NINJ2: variants seen among roughly 807,000 people sequenced by gnomAD.
NINJ2 encodes the protein ninjurin-2.
In NINJ2, 12 loss-of-function variants were observed where a neutral mutation model predicts 11.7. The ratio of observed to expected loss-of-function variants is 1.02; its 90% confidence interval spans 0.66 to 1.66. NINJ2 has a LOEUF of 1.66. Ranked by LOEUF, NINJ2 falls within the 40% of genes most tolerant of loss-of-function variation. The pLI is 0.00. For synonymous variants in NINJ2, 93 were observed against 76.8 expected (o/e 1.21, Z -1.10); for missense variants, 187 against 181.8 (o/e 1.03, Z -0.16).
intron 1 of NINJ2, among the ~76,000 whole-genome samples, chr12:636,955 T>A (rs1200730385): frequency 6.6e-6 from 1 of 152,176 alleles, no homozygotes; most frequent in Non-Finnish European, 1.5e-5. Context: ...AATGGCAGCA[T>A]GTTCACAACG....
intron 1 of NINJ2, among the ~76,000 whole-genome samples, chr12:636,018 A>G (rs1948347950): frequency 6.6e-6 from 1 of 151,524 alleles, no homozygotes; most frequent in Non-Finnish European, 1.5e-5. Flanking sequence ...CAGAGGTTGC[A>G]GTGAGCCAAG....
chr12:587,422 T>TA (rs1432158048), intron 1 of NINJ2, among the ~76,000 whole-genome samples: 3 of 152,258 alleles, frequency 2.0e-5, no homozygotes, highest in African/African-American at 7.2e-5. Context: ...ACAGAATGTC[T>TA]GCACATGCAC....
chr12:588,064 C>T lies in NINJ2; in HGVS notation c.34-21886G>A, dbSNP rs117285886. 2.9e-3 allele frequency among the ~76,000 whole-genome samples: 434 copies of T among 152,098 alleles called. 2 individuals carry two copies. The highest frequency in any genetic ancestry group is 5.1e-3 in the Non-Finnish European group (348 of 68,026). The stretch of plus-strand genomic sequence containing the variant: ...TCCCCAGACCAGTGTATCATCCTTC[C>T]ACTATGTAAACACAGATAGGTTTCC... On this transcript the variant is annotated intron_variant, in intron 1 of 3. Transcript: ENST00000305108.
intron 1 of NINJ2, among the ~76,000 whole-genome samples, chr12:571,261 G>T (rs1299542910): frequency 6.6e-6 from 1 of 152,276 alleles, no homozygotes; most frequent in Non-Finnish European, 1.5e-5. Context: ...CCAGTGCAGG[G>T]AAGGTGGGAG....
chr12:648,707 A>G (rs559278379), intron 1 of NINJ2, among the ~76,000 whole-genome samples: 2 of 152,210 alleles, frequency 1.3e-5, no homozygotes, highest in Admixed American at 1.3e-4. Flanking sequence ...TGGAAGGCCT[A>G]TTAGTCTAAT....
chr12:595,584 G>C (rs544648992), intron 1 of NINJ2, among the ~76,000 whole-genome samples: 1 of 152,228 alleles, frequency 6.6e-6, no homozygotes, highest in South Asian at 2.1e-4. Context: ...AGACCAGTCT[G>C]GCCAACTAAA....
chr12:657,986 G>C (rs1937895069), intron 1 of NINJ2, among the ~76,000 whole-genome samples: 1 of 135,754 alleles, frequency 7.4e-6, no homozygotes, highest in Admixed American at 7.9e-5. Flanking sequence ...AACCTACACA[G>C]GCTTTTTTTT....
At chr12:621,435 CAGGGTA>C (rs1948150691) in intron 1 of NINJ2, among the ~76,000 whole-genome samples, 1 of 141,390 alleles carries the variant, frequency 7.1e-6, no homozygotes, top group Admixed American at 7.3e-5. Context: ...CCCTAGGTGA[CAGGGTA>C]AGACCCTGTC....
intron 1 of NINJ2, among the ~76,000 whole-genome samples, chr12:611,267 T>C (rs868823106): frequency 4.7e-4 from 54 of 115,726 alleles, no homozygotes; most frequent in African/African-American, 1.1e-3. Flanking sequence ...CTTTCTTTCT[T>C]TCTTTCTCTC....
chr12:654,395 C>T (rs1592119720), intron 1 of NINJ2, among the ~76,000 whole-genome samples: 1 of 151,292 alleles, frequency 6.6e-6, no homozygotes, highest in Non-Finnish European at 1.5e-5. Context: ...GTGGCACATG[C>T]GTATAATCCC....
chr12:642,917 T>TCGCGCTCC (rs1948439999), intron 1 of NINJ2: 1 of 148,656 alleles, frequency 6.7e-6, no homozygotes, highest in Non-Finnish European at 1.5e-5. Context: ...CCCTGCGCCC[T>TCGCGCTCC]CGCGCTCCCG....
At chr12:566,525 G>C (rs532037780) in intron 1 of NINJ2, among the ~76,000 whole-genome samples, 163 of 152,252 alleles carry the variant, frequency 1.1e-3, no homozygotes, top group Middle Eastern at 3.4e-3. Flanking sequence ...CCAGGCCTCA[G>C]CTTTGGGCTG....
rs1948308443 is a variant in NINJ2 at position 633,555 on chromosome 12, C to A, written c.33+29773G>T. Among the ~76,000 whole-genome samples the A allele has an allele frequency of 6.6e-6, 1 of 152,182 alleles. No homozygotes were observed. Among genetic ancestry groups the A allele is most frequent in the Admixed American group, 6.5e-5 (1 of 15,282 alleles). Reference sequence around the variant, plus strand: ...CTGAGGCTGGGCCCAGTGGCCCATGCCCGTAATCCCAGCACTTTGGGAGGC... The same window carrying A: ...CTGAGGCTGGGCCCAGTGGCCCATGACCGTAATCCCAGCACTTTGGGAGGC... On this transcript the variant is annotated intron_variant, in intron 1 of 3. Coordinates refer to ENST00000305108, the MANE Select transcript of NINJ2 (RefSeq NM_016533.6). The surrounding 1 kb of genome is among the most constrained non-coding windows in gnomAD (Gnocchi z 4.3).
rs1565641692 is a variant in NINJ2, at chr12:629,899, AT to A, written c.33+33428del. The stretch of plus-strand genomic sequence containing the variant: ...CAAAACTCAAAAAAAAAAAAAAAAT[AT>A]ATATATATATATATATATATATGAA... On this transcript the variant is annotated intron_variant, in intron 1 of 3. Coordinates refer to ENST00000305108, the MANE Select transcript of NINJ2 (RefSeq NM_016533.6). Among the ~76,000 whole-genome samples, 10 of 98,102 alleles carry A rather than the reference AT, an allele frequency of 1.0e-4. 1 individual carries two copies. The highest frequency in any genetic ancestry group is 3.5e-4 in the African/African-American group (9 of 26,060). 64.4% of individuals were successfully genotyped at this position (98,102 alleles called of 152,430 possible).
intron 1 of NINJ2, among the ~76,000 whole-genome samples, chr12:650,925 A>G (rs114232547): frequency 1.1e-3 from 168 of 152,334 alleles, no homozygotes; most frequent in African/African-American, 3.9e-3. Context: ...AACATCAGTG[A>G]GACAGACAGG....
chr12:610,613 G>T, intron 1 of NINJ2: 1 of 985,346 alleles, frequency 1.0e-6, no homozygotes, highest in Non-Finnish European at 1.2e-6. Flanking sequence ...ACAGGAGGGG[G>T]TTACCAGGCA....
chr12:636,109 G>T (rs1158536827), intron 1 of NINJ2, among the ~76,000 whole-genome samples: 2 of 152,002 alleles, frequency 1.3e-5, no homozygotes, highest in Non-Finnish European at 2.9e-5. Flanking sequence ...AGGCGTGGTG[G>T]CTTACGCCTG....
chr12:648,811 T>A (rs961468494), intron 1 of NINJ2, among the ~76,000 whole-genome samples: 1 of 152,160 alleles, frequency 6.6e-6, no homozygotes, highest in Admixed American at 6.6e-5. Context: ...CACCTTAGAG[T>A]CTAAACAAAT....
chr12:575,820 G>A (rs570866944), intron 1 of NINJ2, among the ~76,000 whole-genome samples: 77 of 152,180 alleles, frequency 5.1e-4, no homozygotes, highest in Non-Finnish European at 9.7e-4. Context: ...AGAGGAGTTT[G>A]GGGAGTGAAT....
Sources: allele counts gnomAD v4.1 joint callset (sites outside exome capture counted in the v4.1 genomes callset), GRCh38; gene constraint gnomAD v4.1.1; non-coding constraint Gnocchi (gnomAD v3.1); transcripts MANE v1.5; gene names NCBI Gene and HGNC (gene_info 2026-07-23, HGNC 2026-07-21).